The following NMNAT1 variants were observed in gnomAD, a reference collection of about 807,000 sequenced individuals.
NMNAT1 encodes nicotinamide nucleotide adenylyltransferase 1.
A neutral mutation model predicts 16.7 loss-of-function variants in NMNAT1; 11 were observed. The observed-to-expected ratio is 0.66, with a 90% CI of 0.41 to 1.09. NMNAT1 has a LOEUF of 1.09. Ranked by LOEUF, NMNAT1 falls within the 50% of genes least tolerant of loss-of-function variation. The pLI is 0.00. For synonymous variants in NMNAT1, 110 were observed against 119.8 expected, an observed-to-expected ratio of 0.92 and a Z score of 0.53; for missense variants, 280 against 332.3, an observed-to-expected ratio of 0.84 and a Z score of 1.22.
chr1:9,987,888 G>C (rs1034430056), downstream of NMNAT1, among the ~76,000 whole-genome samples: 2 of 152,106 alleles, frequency 1.3e-5, no homozygotes, highest in African/African-American at 4.8e-5. Context: ...CAAGTCTCCA[G>C]CCACACTTTT....
chr1:9,953,677 G>A (rs1641173833), intron 1 of NMNAT1, among the ~76,000 whole-genome samples: 1 of 151,824 alleles, frequency 6.6e-6, no homozygotes, highest in Non-Finnish European at 1.5e-5. Context: ...GTGACCTCAG[G>A]TGATCCATCT....
At chr1:9,945,569 G>A (rs571609283) in intron 1 of NMNAT1, among the ~76,000 whole-genome samples, 3 of 152,110 alleles carry the variant, frequency 2.0e-5, no homozygotes, top group South Asian at 4.1e-4. Context: ...GCATGGTGGC[G>A]TATGCCTGTA....
chr1:9,994,484 G>A, the NMNAT1 span, among the ~76,000 whole-genome samples: 1 of 152,034 alleles, frequency 6.6e-6, no homozygotes, highest in African/African-American at 2.4e-5. Context: ...AGGCTGGAGT[G>A]CAATGGCACG....
intron 3 of NMNAT1, among the ~76,000 whole-genome samples, chr1:9,977,227 A>G (rs141032228): frequency 1.3e-5 from 2 of 151,626 alleles, no homozygotes; most frequent in Non-Finnish European, 2.9e-5. Flanking sequence ...TTATCTCTTA[A>G]TGTTATTTTG....
downstream of NMNAT1, among the ~76,000 whole-genome samples, chr1:9,988,010 T>G (rs1249695792): frequency 3.9e-5 from 6 of 152,160 alleles, no homozygotes; most frequent in Admixed American, 1.3e-4. Context: ...TGTTGTTGTT[T>G]TTTTTGAGAC....
chr1:9,989,536 A>G (rs1381319593), downstream of NMNAT1, among the ~76,000 whole-genome samples: 1 of 151,956 alleles, frequency 6.6e-6, no homozygotes, highest in Non-Finnish European at 1.5e-5. Flanking sequence ...GGCAGAAATA[A>G]GTGGCTTGAC....
At chr1:9,967,350 A>G (rs945548571) in intron 1 of NMNAT1, 1 of 154,116 alleles carries the variant, frequency 6.5e-6, no homozygotes, top group African/African-American at 2.4e-5. Context: ...GCGCCTATCA[A>G]ACTTACTTGA....
intron 1 of NMNAT1, among the ~76,000 whole-genome samples, chr1:9,947,933 C>T (rs974533312): frequency 3.3e-5 from 5 of 152,158 alleles, no homozygotes; most frequent in Non-Finnish European, 7.3e-5. Flanking sequence ...TCATGTCACT[C>T]CTCTGCTCAA....
At position 9,982,688 on chromosome 1, in the gene NMNAT1, A is replaced by C. The variant is rs147220828; in HGVS notation, c.827A>C (p.Glu276Ala). ...ILAPLQRNTA[E>A]AKT is the part of the protein sequence containing the mutation. ...GCCCCTTTGCAGAGAAACACTGCAG[A>C]AGCTAAGACATAGGAATTCTACAGC... is the stretch of plus-strand genomic sequence containing the variant. The change falls in exon 5 of 5, where the codon GAA becomes GCA. Residue 276 changes from glutamate (E) to alanine (A), a missense_variant. Glu to Ala is a moderately radical substitution (Grantham distance 107, BLOSUM62 -1). Transcript: ENST00000377205. 1.8e-4 allele frequency: 289 copies of C among 1,605,146 alleles called. No homozygotes were observed. The African/African-American group carries it at 2.7e-3, about 15-fold the overall frequency.
intron 1 of NMNAT1, among the ~76,000 whole-genome samples, chr1:9,952,003 A>G (rs1641125117): frequency 6.6e-6 from 1 of 152,172 alleles, no homozygotes; most frequent in Admixed American, 6.6e-5. Flanking sequence ...TCAGATTAAG[A>G]TAAGCCTTTA....
intron 1 of NMNAT1, among the ~76,000 whole-genome samples, chr1:9,950,331 TCCG>T (rs1641078355): frequency 6.6e-6 from 1 of 152,206 alleles, no homozygotes; most frequent in Non-Finnish European, 1.5e-5. Context: ...CCTCAAGTGA[TCCG>T]CCCGCCTTGG....
chr1:9,973,664 C>T (rs1225772235), intron 2 of NMNAT1, among the ~76,000 whole-genome samples: 2 of 125,806 alleles, frequency 1.6e-5, no homozygotes, highest in Non-Finnish European at 3.2e-5. Flanking sequence ...GCCAAGATGT[C>T]GCCACTGCAC....
At chr1:9,965,040 C>G (rs1641510046) in intron 1 of NMNAT1, among the ~76,000 whole-genome samples, 1 of 151,654 alleles carries the variant, frequency 6.6e-6, no homozygotes, top group Non-Finnish European at 1.5e-5. Context: ...ATCTCAGGGC[C>G]AGGTGTGTTG....
At chr1:9,991,532 A>T in the NMNAT1 span, among the ~76,000 whole-genome samples, 2 of 152,020 alleles carry the variant, frequency 1.3e-5, no homozygotes, top group Non-Finnish European at 2.9e-5. Context: ...AGGTGATGTC[A>T]CTCTGGCTTC....
chr1:9,980,178 C>T (rs1010183005), intron 3 of NMNAT1, among the ~76,000 whole-genome samples: 2 of 151,856 alleles, frequency 1.3e-5, no homozygotes, highest in African/African-American at 2.4e-5. Flanking sequence ...GTGATCCACC[C>T]GCCTTGGCCT....
chr1:9,978,183 C>G (rs1641856936), intron 3 of NMNAT1, among the ~76,000 whole-genome samples: 1 of 152,182 alleles, frequency 6.6e-6, no homozygotes, highest in Non-Finnish European at 1.5e-5. Context: ...ATGGCAAACC[C>G]CGTCTCTACT....
the NMNAT1 span, among the ~76,000 whole-genome samples, chr1:9,994,623 T>G: frequency 6.9e-6 from 1 of 143,890 alleles, no homozygotes; most frequent in Non-Finnish European, 1.5e-5. Context: ...GTATTTTTTT[T>G]TTTTTTTGAG....
chr1:9,954,170 T>C (rs1209851670), intron 1 of NMNAT1, among the ~76,000 whole-genome samples: 1 of 152,028 alleles, frequency 6.6e-6, no homozygotes, highest in Non-Finnish European at 1.5e-5. Context: ...CTAAAATATT[T>C]CTTAAACTTC....
At chr1:9,943,602 A>G (rs562554131) in intron 1 of NMNAT1, 87 bp downstream of exon 1, 47 of 152,154 alleles carry the variant, frequency 3.1e-4, no homozygotes, top group African/African-American at 1.1e-3. Flanking sequence ...TGGAGTCTTT[A>G]GAGTCGAATA....
Sources: gnomAD v4.1 joint callset for allele counts (sites outside exome capture counted in the v4.1 genomes callset) on GRCh38, gnomAD v4.1.1 for gene constraint, MANE v1.5 for transcripts, NCBI Gene and HGNC (gene_info 2026-07-23, HGNC 2026-07-21) for gene names.